TMEM117: variants seen among roughly 807,000 people sequenced by gnomAD.
The protein encoded by TMEM117 is transmembrane protein 117.
A neutral mutation model predicts 52.4 loss-of-function variants in TMEM117; 27 were observed. The ratio of observed to expected loss-of-function variants is 0.51; its 90% CI spans 0.38 to 0.71. The LOEUF is 0.71. TMEM117 is among the 30% of genes least tolerant of loss of function. The probability of loss-of-function intolerance (pLI) is 0.00; values close to 1 mark genes in which losing one functional copy is unlikely to be tolerated. For missense variants in TMEM117, 556 were observed against 630.5 expected, an observed-to-expected ratio of 0.88 and a Z score of 1.26; for synonymous variants, 215 against 206.3, an observed-to-expected ratio of 1.04 and a Z score of -0.36.
At chr12:44,385,941 G>A (rs780486982) in intron 7 of TMEM117, among the ~76,000 whole-genome samples, 1 of 151,428 alleles carries the variant, frequency 6.6e-6, no homozygotes, top group Non-Finnish European at 1.5e-5. Context: ...TTTTATATAT[G>A]CTGTTCTATC....
chr12:44,199,870 C>T (rs2138365711), intron 4 of TMEM117, among the ~76,000 whole-genome samples: 1 of 152,204 alleles, frequency 6.6e-6, no homozygotes, highest in Non-Finnish European at 1.5e-5. Context: ...GTAATACCAG[C>T]ACATTGGGAG....
chr12:44,320,280 CT>C (rs935228437), intron 6 of TMEM117, among the ~76,000 whole-genome samples: 1 of 152,318 alleles, frequency 6.6e-6, no homozygotes, highest in African/African-American at 2.4e-5. Context: ...TCTGCCCCTC[CT>C]TTAGACTCTT....
chr12:43,883,622 A>G (rs1943935102), intron 2 of TMEM117, among the ~76,000 whole-genome samples: 1 of 152,208 alleles, frequency 6.6e-6, no homozygotes, highest in South Asian at 2.1e-4. Flanking sequence ...TTTCCTTTTA[A>G]TGTAGAGACC....
intron 6 of TMEM117, among the ~76,000 whole-genome samples, chr12:44,364,175 T>C (rs1365736560): frequency 6.6e-6 from 1 of 152,186 alleles, no homozygotes; most frequent in Admixed American, 6.5e-5. Flanking sequence ...AATCCATTGC[T>C]TGAAGGCAAA....
chr12:43,956,393 TCTGA>T (rs978704437), intron 3 of TMEM117, among the ~76,000 whole-genome samples: 2 of 151,098 alleles, frequency 1.3e-5, no homozygotes, highest in African/African-American at 2.4e-5. Context: ...AATCTATCCA[TCTGA>T]CTAAGGTCTA....
chr12:44,210,295 T>G (rs1949628604), intron 4 of TMEM117, among the ~76,000 whole-genome samples: 1 of 152,110 alleles, frequency 6.6e-6, no homozygotes, highest in East Asian at 1.9e-4. Flanking sequence ...ATGTAACACT[T>G]TTTTAAAGGA....
At chr12:43,838,571 G>C (rs1171549309) in intron 1 of TMEM117, among the ~76,000 whole-genome samples, 2 of 134,670 alleles carry the variant, frequency 1.5e-5, no homozygotes, top group African/African-American at 5.9e-5. Flanking sequence ...ACCCAGGCTG[G>C]TCTGTTACGT....
intron 4 of TMEM117, among the ~76,000 whole-genome samples, chr12:44,205,602 G>T (rs768211499): frequency 2.6e-5 from 4 of 152,130 alleles, no homozygotes; most frequent in Non-Finnish European, 5.9e-5. Flanking sequence ...ATGGGCAAAG[G>T]ACATGAACAG....
chr12:44,054,411 C>G (rs531572986), intron 3 of TMEM117, among the ~76,000 whole-genome samples: 1 of 152,258 alleles, frequency 6.6e-6, no homozygotes, highest in East Asian at 1.9e-4. Context: ...TATTGCAAAT[C>G]CCCCTGAATA....
rs1384725853 is a variant in TMEM117 at position 44,191,295 on chromosome 12, T to C, written c.511-19995T>C. On this transcript the variant is annotated intron_variant, in intron 4 of 7. Coordinates refer to ENST00000266534, the MANE Select transcript of TMEM117 (RefSeq NM_032256.3). Reference sequence around the variant, plus strand: ...TCCCTCCCATGGCATGTAGGGATTATAGGAACTACAATTCAAGATAAAATT... The same window carrying C: ...TCCCTCCCATGGCATGTAGGGATTACAGGAACTACAATTCAAGATAAAATT... Among the ~76,000 whole-genome samples the C allele has an allele frequency of 2.0e-5, 3 of 152,242 alleles. No individual in the cohort carries two copies. The East Asian group carries it at 5.8e-4, about 29-fold the overall frequency.
At chr12:44,310,357 G>A (rs544901417) in intron 6 of TMEM117, among the ~76,000 whole-genome samples, 1 of 152,322 alleles carries the variant, frequency 6.6e-6, no homozygotes, top group African/African-American at 2.4e-5. Flanking sequence ...AATCACTGGG[G>A]GCAGGGCACA....
At chr12:44,170,571 G>C (rs1237230954) in intron 4 of TMEM117, among the ~76,000 whole-genome samples, 3 of 152,004 alleles carry the variant, frequency 2.0e-5, no homozygotes, top group Admixed American at 2.0e-4. Context: ...TTTTCTGGAT[G>C]AACTTTTTTA....
intron 5 of TMEM117, among the ~76,000 whole-genome samples, chr12:44,277,567 C>T (rs1950529451): frequency 6.6e-6 from 1 of 151,946 alleles, no homozygotes. Flanking sequence ...AAACTCTTTT[C>T]TATTGTTGGC....
intron 5 of TMEM117, among the ~76,000 whole-genome samples, chr12:44,263,254 C>T (rs914890504): frequency 3.3e-5 from 5 of 152,058 alleles, no homozygotes; most frequent in Non-Finnish European, 7.4e-5. Context: ...TGAAAAAAAG[C>T]TCATCATCAC....
At chr12:43,809,186 A>G in the TMEM117 span, among the ~76,000 whole-genome samples, 1 of 152,214 alleles carries the variant, frequency 6.6e-6, no homozygotes, top group Non-Finnish European at 1.5e-5. Context: ...GTGCATATAC[A>G]CAGGAAACTA....
At chr12:43,864,484 C>T (rs373715913) in intron 2 of TMEM117, among the ~76,000 whole-genome samples, 5 of 152,050 alleles carry the variant, frequency 3.3e-5, no homozygotes, top group Admixed American at 2.0e-4. Context: ...GTGTCTAGCT[C>T]GGGGTTTGTG....
At chr12:43,897,922 A>C (rs2137496300) in intron 2 of TMEM117, among the ~76,000 whole-genome samples, 1 of 151,790 alleles carries the variant, frequency 6.6e-6, no homozygotes, top group African/African-American at 2.4e-5. Context: ...CTTTGCCTTC[A>C]TTTTCTTTGT....
At chr12:44,375,954 C>A (rs144453543) in intron 6 of TMEM117, among the ~76,000 whole-genome samples, 84 of 152,260 alleles carry the variant, frequency 5.5e-4, no homozygotes, top group Admixed American at 1.6e-3. Context: ...GCCTTGACAA[C>A]CAGGAAATAT....
intron 3 of TMEM117, among the ~76,000 whole-genome samples, chr12:44,062,384 G>A (rs570735716): frequency 5.9e-5 from 9 of 152,110 alleles, no homozygotes; most frequent in African/African-American, 4.8e-5. Flanking sequence ...GAGACAGTCC[G>A]CCTAACTAAA....
Sources: allele counts gnomAD v4.1 joint callset (sites outside exome capture counted in the v4.1 genomes callset), GRCh38; gene constraint gnomAD v4.1.1; transcripts MANE v1.5; gene names NCBI Gene and HGNC (gene_info 2026-07-23, HGNC 2026-07-21).